OPRM1: variants seen among roughly 807,000 people sequenced by gnomAD.
OPRM1 encodes the protein opioid receptor mu 1, also known as mu-type opioid receptor.
In OPRM1, 27 loss-of-function variants were observed where a neutral mutation model predicts 31.8. That is an observed-to-expected ratio of 0.85 (90% CI 0.63 to 1.17). OPRM1 has a LOEUF of 1.17. OPRM1 is among the 50% of genes most tolerant of loss of function. The probability of loss-of-function intolerance (pLI) is 0.00; values close to 1 mark genes in which losing one functional copy is unlikely to be tolerated. For missense variants in OPRM1, 536 were observed against 511.1 expected (o/e 1.05, Z -0.47); for synonymous variants, 196 against 189.9 (o/e 1.03, Z -0.26).
intron 1 of OPRM1, among the ~76,000 whole-genome samples, chr6:154,023,012 C>T (rs769120000): frequency 1.3e-3 from 165 of 127,074 alleles, no homozygotes; most frequent in African/African-American, 4.6e-3. Flanking sequence ...TCTTCTTGCT[C>T]GGAGAGCTTT....
intron 3 of OPRM1, among the ~76,000 whole-genome samples, chr6:154,234,955 G>A (rs1396218337): frequency 2.6e-5 from 4 of 152,098 alleles, no homozygotes; most frequent in Admixed American, 1.3e-4. Flanking sequence ...CTATTCTTTC[G>A]GAAGCTTTAA....
At chr6:154,230,532 A>G (rs1307883696) in intron 3 of OPRM1, among the ~76,000 whole-genome samples, 3 of 152,230 alleles carry the variant, frequency 2.0e-5, no homozygotes, top group Non-Finnish European at 4.4e-5. Context: ...CTTCTTAGGT[A>G]CCTACACATG....
chr6:154,180,408 A>ATT (rs1402868949), intron 3 of OPRM1, among the ~76,000 whole-genome samples: 714 of 39,492 alleles, frequency 0.018, 4 homozygotes, highest in East Asian at 0.032. Context: ...ATATATATAT[A>ATT]TATATATTTT....
At chr6:154,096,620 G>A (rs1793437147) in intron 3 of OPRM1, among the ~76,000 whole-genome samples, 1 of 152,040 alleles carries the variant, frequency 6.6e-6, no homozygotes, top group African/African-American at 2.4e-5. Flanking sequence ...GTGCTTTTAT[G>A]GGCATTATCA....
chr6:154,086,666 T>G, intron 1 of OPRM1: 2 of 985,068 alleles, frequency 2.0e-6, no homozygotes, highest in Non-Finnish European at 2.4e-6. Context: ...AAAATAAGCC[T>G]GAAGGAAAGG....
In OPRM1 at chr6:154,124,394, T is replaced by A. The variant is rs890220812; in HGVS notation, c.*5673T>A. Among the ~76,000 whole-genome samples the A allele has an allele frequency of 1.3e-5, 2 of 152,208 alleles. No individual in the cohort carries two copies. Among genetic ancestry groups the A allele is most frequent in the Non-Finnish European group, 2.9e-5 (2 of 68,040 alleles). On this transcript the variant is annotated 3_prime_UTR_variant, in exon 4 of 4. Transcript: ENST00000330432. ...ACTCACTTTGCATTTCCTGTTACCT[T>A]GTACTGAGAACTTCATTAAAACCTG...
chr6:154,152,344 A>AAAG (rs1798543403), intron 3 of OPRM1, among the ~76,000 whole-genome samples: 1 of 11,432 alleles, frequency 8.7e-5, no homozygotes, highest in South Asian at 3.2e-3. Flanking sequence ...AGAAAGAAAG[A>AAAG]AAGGAAAGAA....
At chr6:154,039,028 T>A (rs1779501005), upstream of OPRM1, 9 of 1,069,956 alleles carry the variant, frequency 8.4e-6, no homozygotes, top group South Asian at 1.4e-4. Context: ...AGCCAATGTA[T>A]TCCCTGCCAG....
At chr6:154,107,968 A>T (rs534718488) in intron 3 of OPRM1, 7 of 589,720 alleles carry the variant, frequency 1.2e-5, no homozygotes, top group Non-Finnish European at 1.8e-5. Context: ...ATTTTATTTT[A>T]TTTTATTTTA....
In OPRM1 at chr6:154,147,291, AT is replaced by A. The variant is rs1299416956; in HGVS notation, c.1164+55821del. On this transcript the variant is annotated intron_variant, in intron 3 of 3. Coordinates refer to the OPRM1 transcript ENST00000337049. ...TCGCTCATGTTCTCTTGTTTTTCAT[AT>A]TGTTCACTACATAGGAACTGTCATG... 3.3e-5 allele frequency among the ~76,000 whole-genome samples: 5 copies of A among 152,286 alleles called. No individual in the cohort carries two copies. The East Asian group carries it at 9.6e-4, about 29-fold the overall frequency.
intron 1 of OPRM1, among the ~76,000 whole-genome samples, chr6:154,024,146 T>A (rs1272323876): frequency 6.6e-6 from 1 of 152,138 alleles, no homozygotes; most frequent in East Asian, 1.9e-4. Context: ...TTTGGTAAAA[T>A]TCAGTAATGA....
At chr6:154,071,218 A>C (rs568056394) in intron 1 of OPRM1, among the ~76,000 whole-genome samples, 1 of 152,322 alleles carries the variant, frequency 6.6e-6, no homozygotes, top group South Asian at 2.1e-4. Context: ...TAGCTGCTGA[A>C]GGAAGGAAGC....
In OPRM1 at chr6:154,124,209, C is replaced by T. The variant is rs958730627; in HGVS notation, c.*5488C>T. 6.6e-6 allele frequency among the ~76,000 whole-genome samples: 1 copy of T among 152,002 alleles called. No individual in the cohort carries two copies. Among genetic ancestry groups the T allele is most frequent in the Non-Finnish European group, 1.5e-5 (1 of 68,022 alleles). On this transcript the variant is annotated 3_prime_UTR_variant, in exon 4 of 4. Coordinates refer to ENST00000330432, the MANE Select transcript of OPRM1 (RefSeq NM_000914.5). ...CATTTTTAAAGGAATTTTAAGAGCT[C>T]GGAAATCATTAAAATTAAGTTTATC...
intron 3 of OPRM1, chr6:154,154,555 T>C (rs1398751834): frequency 6.6e-6 from 1 of 152,228 alleles, no homozygotes; most frequent in African/African-American, 2.4e-5. Flanking sequence ...GCGATTTTGA[T>C]GACTGCCACC....
intron 1 of OPRM1, among the ~76,000 whole-genome samples, chr6:154,019,779 G>C (rs1429402794): frequency 3.7e-5 from 5 of 133,488 alleles, no homozygotes; most frequent in African/African-American, 1.5e-4. Context: ...ACAGGGTCTC[G>C]CTCTGTTGCC....
intron 3 of OPRM1, among the ~76,000 whole-genome samples, chr6:154,186,705 C>T (rs1469243264): frequency 2.0e-5 from 3 of 152,032 alleles, no homozygotes; most frequent in East Asian, 1.9e-4. Flanking sequence ...TACAGGCGCC[C>T]GCCATCACGC....
intron 1 of OPRM1, among the ~76,000 whole-genome samples, chr6:154,019,407 C>G (rs1348396888): frequency 6.6e-6 from 1 of 152,030 alleles, no homozygotes; most frequent in South Asian, 2.1e-4. Context: ...TTATTATCAC[C>G]CAAAGTCCAT....
At chr6:154,240,356 T>C (rs578152658) in intron 3 of OPRM1, among the ~76,000 whole-genome samples, 20 of 152,352 alleles carry the variant, frequency 1.3e-4, no homozygotes, top group African/African-American at 4.8e-4. Flanking sequence ...TAATAAGCTA[T>C]GACTAATGTA....
In OPRM1 at chr6:154,010,633, A is replaced by G. The variant is rs1777676787; in HGVS notation, c.-386A>G. ...GTCACAATATTGTATGCCTGCACTA[A>G]GTTTGCATCCTGAAAACTCACTGGA... On this transcript the variant is annotated 5_prime_UTR_variant, in exon 1 of 6. Coordinates refer to the OPRM1 transcript ENST00000434900. The G allele has an allele frequency of 2.7e-6, 4 of 1,500,786 alleles. No individual in the cohort carries two copies. The African/African-American group carries it at 5.6e-5, about 21-fold the overall frequency. 93.0% of individuals were successfully genotyped at this position (1,500,786 alleles called of 1,614,324 possible). A position where few individuals can be genotyped will look rare whatever the true frequency, so the allele number is the denominator to read the frequency against.
Sources: gnomAD v4.1 joint callset for allele counts (sites outside exome capture counted in the v4.1 genomes callset) on GRCh38, gnomAD v4.1.1 for gene constraint, MANE v1.5 for transcripts, NCBI Gene and HGNC (gene_info 2026-07-23, HGNC 2026-07-21) for gene names.